WRN: variants seen among roughly 807,000 people sequenced by gnomAD.
WRN encodes bifunctional 3'-5' exonuclease/ATP-dependent helicase WRN.
Under a neutral mutation model 180.7 loss-of-function variants are expected in WRN, and 149 were observed. That is an observed-to-expected ratio of 0.82 (90% CI 0.72 to 0.94). The LOEUF (loss-of-function observed/expected upper bound fraction) is 0.94, where lower values mean the gene tolerates loss of function less well. Ranked by LOEUF, WRN falls within the 40% of genes least tolerant of loss-of-function variation. The probability of loss-of-function intolerance (pLI) is 0.00; values close to 1 mark genes in which losing one functional copy is unlikely to be tolerated. For missense variants in WRN, 1,661 were observed against 1,700.1 expected (o/e 0.98, Z 0.40); for synonymous variants, 548 against 568.9 (o/e 0.96, Z 0.52).
At chr8:31,154,833 G>A (rs1803316100) in intron 32 of WRN, 78 bp downstream of exon 32, 1 of 1,559,848 alleles carries the variant, frequency 6.4e-7, no homozygotes, top group Non-Finnish European at 8.8e-7. Flanking sequence ...TAGTATTAAA[G>A]TTCTGACTTG....
At chr8:31,092,974 T>C (rs977864299) in intron 16 of WRN, among the ~76,000 whole-genome samples, 3 of 152,182 alleles carry the variant, frequency 2.0e-5, no homozygotes, top group Non-Finnish European at 2.9e-5. Context: ...AGTCAGGGTC[T>C]CCTTCTGTCA....
intron 17 of WRN, 21 bp from the exon 18 acceptor site, chr8:31,100,828 T>C (rs1163239922): frequency 1.4e-6 from 2 of 1,463,264 alleles, no homozygotes; most frequent in Non-Finnish European, 1.8e-6. Flanking sequence ...TTTTCCTTTA[T>C]GTGTTTTTCT....
At chr8:31,127,463 C>T (rs560260254) in intron 23 of WRN, among the ~76,000 whole-genome samples, 1 of 152,038 alleles carries the variant, frequency 6.6e-6, no homozygotes, top group Non-Finnish European at 1.5e-5. Context: ...GGGTTAGCTA[C>T]GTACCTAAGT....
intron 24 of WRN, 80 bp from the exon 25 acceptor site, chr8:31,141,350 T>C (rs979994713): frequency 2.6e-6 from 4 of 1,557,616 alleles, no homozygotes; most frequent in Non-Finnish European, 3.5e-6. Context: ...ATCCAAAGAA[T>C]CAATAGACAA....
intron 27 of WRN, 131 bp from the exon 28 acceptor site, chr8:31,143,419 C>A: frequency 1.6e-6 from 1 of 620,630 alleles, no homozygotes; most frequent in South Asian, 1.9e-5. Context: ...AGGTTATTTT[C>A]AGGTGATTAA....
chr8:31,138,534 C>T (rs1037435052), intron 24 of WRN, among the ~76,000 whole-genome samples: 4 of 152,066 alleles, frequency 2.6e-5, no homozygotes, highest in Non-Finnish European at 5.9e-5. Context: ...GTTGTACATT[C>T]GATCTCTAGA....
At chr8:31,147,199 G>A (rs1440074003) in intron 29 of WRN, 71 bp downstream of exon 29, 1 of 1,545,754 alleles carries the variant, frequency 6.5e-7, no homozygotes, top group African/African-American at 1.4e-5. Context: ...TTAAAATTCT[G>A]TATTTTGCCA....
chr8:31,058,234 A>G (rs1812350644), intron 1 of WRN, 138 bp from the exon 2 acceptor site: 2 of 507,514 alleles, frequency 3.9e-6, no homozygotes, highest in Admixed American at 3.3e-5. Context: ...CTAAATGTAT[A>G]ATTATTAGAT....
intron 34 of WRN, among the ~76,000 whole-genome samples, chr8:31,172,495 G>A (rs1172948990): frequency 2.6e-5 from 4 of 152,098 alleles, no homozygotes; most frequent in Admixed American, 6.5e-5. Flanking sequence ...TTTATTTAGC[G>A]AATGTTTGTT....
intron 8 of WRN, among the ~76,000 whole-genome samples, chr8:31,076,689 A>G (rs1813107483): frequency 6.6e-6 from 1 of 152,166 alleles, no homozygotes; most frequent in African/African-American, 2.4e-5. Context: ...TGGTCACTTG[A>G]AATCTATAGT....
intron 7 of WRN, among the ~76,000 whole-genome samples, chr8:31,074,162 T>G (rs1304593332): frequency 6.6e-6 from 1 of 151,742 alleles, no homozygotes; most frequent in Non-Finnish European, 1.5e-5. Context: ...CCTGACCTCG[T>G]GATCCACCCG....
chr8:31,087,050 CT>C (rs57578751), intron 11 of WRN, among the ~76,000 whole-genome samples: 11,663 of 147,606 alleles, frequency 0.079, 508 homozygotes, highest in African/African-American at 0.14. Context: ...AATGAACATA[CT>C]TTTTTTTAAA....
chr8:31,057,996 A>T (rs1212917649), intron 1 of WRN, among the ~76,000 whole-genome samples: 3 of 152,232 alleles, frequency 2.0e-5, no homozygotes, highest in Non-Finnish European at 4.4e-5. Flanking sequence ...ATTTGTGAAT[A>T]AATCTAATAG....
rs552998353 is a variant in WRN at position 31,096,714 on chromosome 8, A to ATTT, written c.1899-53_1899-52insTTT. The ATTT allele has an allele frequency of 6.8e-5, 93 of 1,363,500 alleles. No individual in the cohort carries two copies. The East Asian group carries it at 2.0e-3, about 29-fold the overall frequency. 84.5% of individuals were successfully genotyped at this position (1,363,500 alleles called of 1,614,324 possible). A position where few individuals can be genotyped will look rare whatever the true frequency, so the allele number is the denominator to read the frequency against. On this transcript the variant is annotated intron_variant, in intron 16 of 34. Coordinates refer to ENST00000298139, the MANE Select transcript of WRN (RefSeq NM_000553.6). ...GATGATTGTTTTCTTTATTGTTAAT[A>ATTT]TGTTTCCCTTCCTGTTTTTTTTTTT... is the stretch of plus-strand genomic sequence containing the variant.
intron 1 of WRN, among the ~76,000 whole-genome samples, chr8:31,038,376 T>C (rs1476976215): frequency 2.0e-5 from 3 of 152,214 alleles, no homozygotes; most frequent in African/African-American, 7.2e-5. Context: ...ATGTCTTCTT[T>C]GGGAACTGTC....
chr8:31,034,299 C>T (rs1811360025), intron 1 of WRN, among the ~76,000 whole-genome samples: 1 of 152,166 alleles, frequency 6.6e-6, no homozygotes, highest in African/African-American at 2.4e-5. Flanking sequence ...CAGGTCTGCA[C>T]AGCAAAGTCG....
chr8:31,072,624 G>T (rs950532396), intron 7 of WRN, among the ~76,000 whole-genome samples: 3 of 152,178 alleles, frequency 2.0e-5, no homozygotes, highest in Non-Finnish European at 2.9e-5. Flanking sequence ...TCTGCATCTG[G>T]CTTGAAAACA....
intron 1 of WRN, among the ~76,000 whole-genome samples, chr8:31,053,203 A>G (rs1767960088): frequency 6.6e-6 from 1 of 152,236 alleles, no homozygotes; most frequent in Non-Finnish European, 1.5e-5. Flanking sequence ...ATTCAAAGAG[A>G]TAAATGAATA....
intron 1 of WRN, among the ~76,000 whole-genome samples, chr8:31,035,013 T>G (rs1368701088): frequency 6.6e-6 from 1 of 152,210 alleles, no homozygotes; most frequent in Admixed American, 6.5e-5. Flanking sequence ...CTGGGCCTGA[T>G]AATTTAAAGG....
Sources: gnomAD v4.1 joint callset for allele counts (sites outside exome capture counted in the v4.1 genomes callset) on GRCh38, gnomAD v4.1.1 for gene constraint, MANE v1.5 for transcripts, NCBI Gene and HGNC (gene_info 2026-07-23, HGNC 2026-07-21) for gene names.